The following BRCA1 variants were observed in gnomAD, a reference collection of about 807,000 sequenced individuals.
BRCA1 encodes the protein BRCA1 DNA repair associated.
In BRCA1, 140 loss-of-function variants were observed where a neutral mutation model predicts 173.7. That is an observed-to-expected ratio of 0.81 (90% CI 0.70 to 0.93). BRCA1 has a LOEUF of 0.93. BRCA1 is among the 40% of genes least tolerant of loss of function. BRCA1 has a pLI of 0.00. For missense variants in BRCA1, 1,983 were observed against 2,172.5 expected, an observed-to-expected ratio of 0.91 and a Z score of 1.73; for synonymous variants, 662 against 756.0, an observed-to-expected ratio of 0.88 and a Z score of 2.04.
Position 43,093,688 on chromosome 17 carries a change from A to T in BRCA1, c.1843T>A (p.Ser615Thr), listed in dbSNP as rs1384752453. Residue 615 changes from serine (S) to threonine (T), a missense_variant, in exon 10 of 23, where the codon TCT becomes ACT. Transcript: ENST00000357654. ...AGCGCATGAATATGCCTGGTAGAAG[A>T]CTTCCTCCTCAGCCTATTCTTTTTA... ...APKKNRLRRK[S>T]STRHIHALEL... The T allele has an allele frequency of 6.2e-7, 1 of 1,614,092 alleles. No homozygotes were observed.
Position 43,092,521 on chromosome 17 carries a change from C to G in BRCA1, c.3010G>C (p.Glu1004Gln), listed in dbSNP as rs786202534. 8 of 1,613,884 alleles carry G rather than the reference C, an allele frequency of 5.0e-6. No homozygotes were observed. Among genetic ancestry groups the G allele is most frequent in the Non-Finnish European group, 6.8e-6 (8 of 1,179,978 alleles). The change falls in exon 10 of 23, where the codon GAG becomes CAG. Residue 1004 changes from glutamate (E) to glutamine (Q), a missense_variant. Coordinates refer to ENST00000357654, the MANE Select transcript of BRCA1 (RefSeq NM_007294.4). ...CKKNLLEENFEEHSMSPEREM... is the reference protein window; with the variant it reads ...CKKNLLEENFQEHSMSPEREM... Reference sequence around the variant, plus strand: ...CTTTCAGGTGACATTGAATGTTCCTCAAAGTTTTCCTCTAGCAGATTTTTC... The same window carrying G: ...CTTTCAGGTGACATTGAATGTTCCTGAAAGTTTTCCTCTAGCAGATTTTTC...
At chr17:43,084,396 C>A (rs974424049) in intron 11 of BRCA1, among the ~76,000 whole-genome samples, 1 of 151,546 alleles carries the variant, frequency 6.6e-6, no homozygotes, top group Non-Finnish European at 1.5e-5. Context: ...GAACTCCTGA[C>A]CTCAGGTGAT....
chr17:43,101,235 T>C (rs961688801), intron 6 of BRCA1, among the ~76,000 whole-genome samples: 2 of 152,044 alleles, frequency 1.3e-5, no homozygotes, highest in Admixed American at 6.6e-5. Flanking sequence ...CTTGTTCTGT[T>C]GCCCAGGCTG....
In BRCA1 at chr17:43,115,753, G is replaced by T. The variant is rs183557525; in HGVS notation, c.107C>A (p.Ser36Tyr). 6.2e-7 allele frequency: 1 copy of T among 1,613,704 alleles called. No homozygotes were observed. ...ICLELIKEPV[S>Y]TKCDHIFCKF... ...GCAAAATATGTGGTCACACTTTGTG[G>T]AGACAGGTTCCTTGATCAACTCCAG... The change falls in exon 3 of 23, where the codon TCC (serine) becomes TAC (tyrosine). Residue 36 changes from serine (S) to tyrosine (Y), a missense_variant. Physicochemically the swap from Ser to Tyr is moderately radical, Grantham distance 144. Coordinates refer to ENST00000357654, the MANE Select transcript of BRCA1 (RefSeq NM_007294.4).
chr17:43,045,619 G>A lies in BRCA1; in HGVS notation c.*59C>T, dbSNP rs2050849024. 1.2e-6 allele frequency: 2 copies of A among 1,612,000 alleles called. No homozygotes were observed. Among genetic ancestry groups the A allele is most frequent in the Non-Finnish European group, 1.7e-6 (2 of 1,178,826 alleles). On this transcript the variant is annotated 3_prime_UTR_variant, in exon 23 of 23. Coordinates refer to ENST00000357654, the MANE Select transcript of BRCA1 (RefSeq NM_007294.4). ...GAGAGGAGCTCCCAGGGCCTGGAAA[G>A]GCCACTTTGTAAGCTCATTCTTGGG... is the stretch of plus-strand genomic sequence containing the variant.
At chr17:43,127,538 G>T (rs574177341), upstream of BRCA1, among the ~76,000 whole-genome samples, 13 of 152,246 alleles carry the variant, frequency 8.5e-5, no homozygotes, top group Admixed American at 8.5e-4. Flanking sequence ...TCTGTGTCTA[G>T]CAAATGTAGT....
chr17:43,097,214 C>G (rs1488614291), intron 8 of BRCA1, 30 bp downstream of exon 8: 1 of 1,603,198 alleles, frequency 6.2e-7, no homozygotes, highest in East Asian at 2.2e-5. Flanking sequence ...AAAATACCAG[C>G]TTCATAGACA....
chr17:43,050,878 T>G lies in BRCA1; in HGVS notation c.5332+185A>C, dbSNP rs8176298. 3.0e-3 allele frequency among the ~76,000 whole-genome samples: 450 copies of G among 152,320 alleles called. 2 individuals carry two copies. The highest frequency in any genetic ancestry group is 0.01 in the African/African-American group (429 of 41,572). Reference sequence around the variant, plus strand: ...TGCTCTTGAGAAGGGGGACAAGGTATAGTTTTTTTTTGCCATAGGATAACA... The same window carrying G: ...TGCTCTTGAGAAGGGGGACAAGGTAGAGTTTTTTTTTGCCATAGGATAACA... On this transcript the variant is annotated intron_variant, in intron 20 of 22. Coordinates refer to ENST00000357654, the MANE Select transcript of BRCA1 (RefSeq NM_007294.4).
intron 1 of BRCA1, chr17:43,169,953 A>G: frequency 2.1e-6 from 1 of 470,794 alleles, no homozygotes; most frequent in Non-Finnish European, 4.3e-6. Context: ...GCCAGGCCAA[A>G]AAGTTTCAAT....
intron 12 of BRCA1, among the ~76,000 whole-genome samples, chr17:43,080,345 G>A (rs909481929): frequency 6.6e-6 from 1 of 152,186 alleles, no homozygotes; most frequent in Non-Finnish European, 1.5e-5. Flanking sequence ...ACAGGCATGT[G>A]CCACCACGCC....
intron 8 of BRCA1, 94 bp from the exon 9 acceptor site, chr17:43,096,016 T>TG: frequency 9.5e-7 from 1 of 1,049,550 alleles, no homozygotes; most frequent in Non-Finnish European, 1.4e-6. Flanking sequence ...GCTCTTTCGA[T>TG]TACAGAAAGC....
intron 15 of BRCA1, among the ~76,000 whole-genome samples, chr17:43,070,609 G>C (rs2052338643): frequency 6.6e-6 from 1 of 152,126 alleles, no homozygotes; most frequent in Non-Finnish European, 1.5e-5. Flanking sequence ...GCCTTCTGGG[G>C]AATAAAACTA....
chr17:43,142,891 G>T (rs1339137004), intron 1 of BRCA1, among the ~76,000 whole-genome samples: 1 of 151,380 alleles, frequency 6.6e-6, no homozygotes, highest in African/African-American at 2.4e-5. Context: ...TTACAGGCAT[G>T]TGCCACCATG....
At chr17:43,079,894 G>T in intron 12 of BRCA1, 1 of 639,812 alleles carries the variant, frequency 1.6e-6, no homozygotes, top group Non-Finnish European at 2.7e-6. Flanking sequence ...TGGGCCTCAT[G>T]CAATGAAGCA....
At chr17:43,146,329 G>A (rs1454481542) in intron 1 of BRCA1, among the ~76,000 whole-genome samples, 1 of 95,836 alleles carries the variant, frequency 1.0e-5, no homozygotes, top group African/African-American at 4.3e-5. Context: ...TTTTTTTTGA[G>A]ATGGAGTCTC....
Position 43,097,228 on chromosome 17 carries a change from G to C in BRCA1, c.593+16C>G, listed in dbSNP as rs773139281. On this transcript the variant is annotated intron_variant, in intron 8 of 22. Transcript: ENST00000357654. ...GAAAATACCAGCTTCATAGACAAAG[G>C]TTCTCTTTGACTCACCTGCAATAAG... is the stretch of plus-strand genomic sequence containing the variant. 1.2e-6 allele frequency: 2 copies of C among 1,611,004 alleles called. No homozygotes were observed. Among genetic ancestry groups the C allele is most frequent in the Non-Finnish European group, 1.7e-6 (2 of 1,177,656 alleles).
At chr17:43,119,157 T>C (rs2055432214) in intron 2 of BRCA1, 1 of 214,958 alleles carries the variant, frequency 4.7e-6, no homozygotes, top group South Asian at 1.9e-4. Flanking sequence ...TTTCCTTAAA[T>C]ATTTAACTTT....
intron 22 of BRCA1, among the ~76,000 whole-genome samples, chr17:43,047,324 T>A (rs963370049): frequency 6.6e-6 from 1 of 151,948 alleles, no homozygotes; most frequent in African/African-American, 2.4e-5. Context: ...GGTCTCGAAC[T>A]TCTAGGCTCC....
chr17:43,066,181 AG>A (rs1197534068), intron 16 of BRCA1, among the ~76,000 whole-genome samples: 1 of 152,210 alleles, frequency 6.6e-6, no homozygotes, highest in Non-Finnish European at 1.5e-5. Context: ...ACTCAGATTT[AG>A]TTTATAGTCA....
Sources: gnomAD v4.1 joint callset for allele counts (sites outside exome capture counted in the v4.1 genomes callset) on GRCh38, gnomAD v4.1.1 for gene constraint, MANE v1.5 for transcripts, NCBI Gene and HGNC (gene_info 2026-07-23, HGNC 2026-07-21) for gene names.